The following GNA14 variants were observed in gnomAD, a reference collection of about 807,000 sequenced individuals.
GNA14 encodes the protein guanine nucleotide-binding protein subunit alpha-14.
Under a neutral mutation model 42.0 loss-of-function variants are expected in GNA14, and 50 were observed. That is an observed-to-expected ratio of 1.19 (90% CI 0.95 to 1.51). The LOEUF (loss-of-function observed/expected upper bound fraction) is 1.51. Among genes scored for constraint, GNA14 ranks in the 40% most tolerant of loss-of-function variants. The pLI, the probability that GNA14 is intolerant of heterozygous loss-of-function variation, is 0.00. For synonymous variants in GNA14, 173 were observed against 163.1 expected (o/e 1.06, Z -0.46); for missense variants, 473 against 446.2 (o/e 1.06, Z -0.54).
In GNA14 at chr9:77,637,656, A is replaced by C. The variant is rs143692161; in HGVS notation, c.124+10014T>G. Among the ~76,000 whole-genome samples, 3 of 152,308 alleles carry C rather than the reference A, an allele frequency of 2.0e-5. No homozygotes were observed. In the East Asian group the frequency reaches 5.8e-4, roughly 29 times the overall value. On this transcript the variant is annotated intron_variant, in intron 1 of 6. Transcript: ENST00000341700. ...AGGATCGCTTGAGGCCAGGAGTTCA[A>C]AACCAGCCTGGGCAATAGCAAGACC...
intron 1 of GNA14, among the ~76,000 whole-genome samples, chr9:77,538,450 T>C (rs1457440308): frequency 1.3e-5 from 2 of 152,154 alleles, no homozygotes; most frequent in African/African-American, 4.8e-5. Flanking sequence ...TGGGATTTTT[T>C]TTTCTCATGC....
intron 1 of GNA14, among the ~76,000 whole-genome samples, chr9:77,541,277 T>C (rs1837658109): frequency 6.6e-6 from 1 of 152,214 alleles, no homozygotes; most frequent in Admixed American, 6.5e-5. Context: ...ACTTTATTTT[T>C]TCTTTATTTA....
chr9:77,468,071 G>A (rs1032061556), intron 2 of GNA14, among the ~76,000 whole-genome samples: 3 of 152,082 alleles, frequency 2.0e-5, no homozygotes, highest in Non-Finnish European at 4.4e-5. Context: ...CACTGGCAGC[G>A]TGCCCCTCTC....
intron 2 of GNA14, chr9:77,517,500 A>C (rs561982796): frequency 6.6e-6 from 1 of 151,220 alleles, no homozygotes; most frequent in African/African-American, 2.4e-5. Context: ...ACGCACCTGG[A>C]AGCCACACAC....
In GNA14 at chr9:77,434,609, G is replaced by A. The variant is rs1270402717; in HGVS notation, c.310-87C>T. The stretch of plus-strand genomic sequence containing the variant: ...GTCGGTACAAGTCTTGCCCTGGTCT[G>A]TGGATTTGGAGAGCTCTCACTAGGC... On this transcript the variant is annotated intron_variant, in intron 2 of 6. Coordinates refer to ENST00000341700, the MANE Select transcript of GNA14 (RefSeq NM_004297.4). The A allele has an allele frequency of 4.9e-6, 6 of 1,233,130 alleles. No individual in the cohort carries two copies. In the East Asian group the frequency reaches 9.4e-5, roughly 19 times the overall value. 76.4% of individuals were successfully genotyped at this position (1,233,130 alleles called of 1,614,324 possible). A position where few individuals can be genotyped will look rare whatever the true frequency, so the allele number is the denominator to read the frequency against.
At chr9:77,513,397 G>A (rs1194308930) in intron 2 of GNA14, among the ~76,000 whole-genome samples, 1 of 152,228 alleles carries the variant, frequency 6.6e-6, no homozygotes, top group Non-Finnish European at 1.5e-5. Flanking sequence ...TATCTCTAAA[G>A]TCAGGGCAAG....
At chr9:77,443,588 T>TC (rs1835769262) in intron 2 of GNA14, among the ~76,000 whole-genome samples, 1 of 152,198 alleles carries the variant, frequency 6.6e-6, no homozygotes, top group Non-Finnish European at 1.5e-5. Context: ...TTTCCCTTCC[T>TC]CTTTTCTCCA....
At chr9:77,434,675 C>T (rs1835614885) in intron 2 of GNA14, among the ~76,000 whole-genome samples, 153 bp from the exon 3 acceptor site, 1 of 152,160 alleles carries the variant, frequency 6.6e-6, no homozygotes, top group Non-Finnish European at 1.5e-5. Context: ...CGCTCACAGC[C>T]AAGACACCCA....
chr9:77,509,655 TGGA>T (rs1253487730), intron 2 of GNA14, among the ~76,000 whole-genome samples: 1 of 152,180 alleles, frequency 6.6e-6, no homozygotes, highest in African/African-American at 2.4e-5. Context: ...TGCTAATGGG[TGGA>T]GAACAGGATG....
intron 1 of GNA14, among the ~76,000 whole-genome samples, chr9:77,559,634 T>G (rs1189297621): frequency 1.3e-5 from 2 of 152,240 alleles, no homozygotes; most frequent in Non-Finnish European, 2.9e-5. Flanking sequence ...GATCTGAGCT[T>G]GGTAAAGTGA....
intron 1 of GNA14, among the ~76,000 whole-genome samples, chr9:77,533,846 C>T (rs1215939156): frequency 6.6e-6 from 1 of 152,304 alleles, no homozygotes; most frequent in South Asian, 2.1e-4. Context: ...TTCTATAAAG[C>T]TCACCTCCAC....
chr9:77,506,283 TAAAA>T (rs199978059), intron 2 of GNA14, among the ~76,000 whole-genome samples: 6 of 126,832 alleles, frequency 4.7e-5, no homozygotes, highest in South Asian at 2.5e-4. Context: ...CCCTGTCTCT[TAAAA>T]AAAAAAAAAA....
intron 2 of GNA14, among the ~76,000 whole-genome samples, chr9:77,456,028 A>G (rs1327015758): frequency 6.6e-6 from 1 of 152,232 alleles, no homozygotes; most frequent in East Asian, 1.9e-4. Flanking sequence ...ATACATAAAA[A>G]TGAAATAAAA....
chr9:77,440,917 T>C (rs1835721539), intron 2 of GNA14, among the ~76,000 whole-genome samples: 1 of 152,168 alleles, frequency 6.6e-6, no homozygotes, highest in East Asian at 1.9e-4. Context: ...GGTTTCACTA[T>C]GTTGGCCAGG....
intron 2 of GNA14, among the ~76,000 whole-genome samples, chr9:77,521,214 T>C (rs915483486): frequency 6.6e-6 from 1 of 152,036 alleles, no homozygotes; most frequent in Non-Finnish European, 1.5e-5. Flanking sequence ...AGGAGAAAAA[T>C]GGACCATGTG....
intron 2 of GNA14, among the ~76,000 whole-genome samples, chr9:77,488,784 TAAAAAAAAAAAAA>T (rs67416479): frequency 4.7e-4 from 25 of 53,692 alleles, no homozygotes; most frequent in African/African-American, 2.1e-3. Context: ...CACACCTAAT[TAAAAAAAAAAAAA>T]AAAAAAAAAA....
At chr9:77,599,929 A>C (rs1221441298) in intron 1 of GNA14, among the ~76,000 whole-genome samples, 1 of 152,234 alleles carries the variant, frequency 6.6e-6, no homozygotes, top group Non-Finnish European at 1.5e-5. Flanking sequence ...GACATCATAA[A>C]GTATCTCAAT....
intron 1 of GNA14, among the ~76,000 whole-genome samples, chr9:77,546,125 G>A (rs758674367): frequency 8.9e-5 from 13 of 146,514 alleles, no homozygotes; most frequent in Non-Finnish European, 1.5e-4. Flanking sequence ...GCTGAGGCAG[G>A]AGAATCACTT....
At position 77,430,755 on chromosome 9, in the gene GNA14, A is replaced by AT. The variant is rs576997131; in HGVS notation, c.593+565dup. ...ACATATATGCCCTATATTATTATTCATTTTTTACCATAACTAAATGCAGTG... is the reference window on the plus strand; with the variant it reads ...ACATATATGCCCTATATTATTATTCATTTTTTTACCATAACTAAATGCAGTG... On this transcript the variant is annotated intron_variant, in intron 4 of 6. Transcript: ENST00000341700. Among the ~76,000 whole-genome samples, 720 of 152,262 alleles carry AT rather than the reference A, an allele frequency of 4.7e-3. 4 individuals carry two copies. The highest frequency in any genetic ancestry group is 0.015 in the African/African-American group (638 of 41,554).
Sources: allele counts gnomAD v4.1 joint callset (sites outside exome capture counted in the v4.1 genomes callset), GRCh38; gene constraint gnomAD v4.1.1; transcripts MANE v1.5; gene names NCBI Gene and HGNC (gene_info 2026-07-23, HGNC 2026-07-21).